GRM7: variants seen among roughly 807,000 people sequenced by gnomAD.
The protein encoded by GRM7 is glutamate metabotropic receptor 7, also known as metabotropic glutamate receptor 7.
In GRM7, 35 loss-of-function variants were observed where a neutral mutation model predicts 84.5. The ratio of observed to expected loss-of-function variants is 0.41; its 90% CI spans 0.32 to 0.55. The LOEUF (loss-of-function observed/expected upper bound fraction) is 0.55. Ranked by LOEUF, GRM7 falls within the 20% of genes least tolerant of loss-of-function variation. The probability of loss-of-function intolerance (pLI) is 0.19; values close to 1 mark genes in which losing one functional copy is unlikely to be tolerated. For synonymous variants in GRM7, 487 were observed against 455.1 expected, an observed-to-expected ratio of 1.07 and a Z score of -0.89; for missense variants, 1,003 against 1,194.6, an observed-to-expected ratio of 0.84 and a Z score of 2.36.
intron 1 of GRM7, among the ~76,000 whole-genome samples, chr3:7,102,852 G>A (rs1258559961): frequency 6.6e-6 from 1 of 151,576 alleles, no homozygotes; most frequent in African/African-American, 2.4e-5. Flanking sequence ...CAGTACATTT[G>A]TTTATATTGG....
intron 1 of GRM7, among the ~76,000 whole-genome samples, chr3:6,992,891 A>G (rs1217669046): frequency 6.6e-6 from 1 of 152,250 alleles, no homozygotes; most frequent in Non-Finnish European, 1.5e-5. Flanking sequence ...GAGACAATGC[A>G]GCACCCTGTG....
chr3:7,622,471 G>A lies in GRM7; in HGVS notation c.2451+43114G>A, dbSNP rs140309374. On this transcript the variant is annotated intron_variant, in intron 8 of 9. Transcript: ENST00000357716. ...GACATGGCCCTCATTTCAAGAAGCT[G>A]TGGTCAGATGGGGGAGACAGCTGTT... is the stretch of plus-strand genomic sequence containing the variant. Among the ~76,000 whole-genome samples, 446 of 152,214 alleles carry A rather than the reference G, an allele frequency of 2.9e-3. 4 individuals carry two copies. The highest frequency in any genetic ancestry group is 0.025 in the Admixed American group (387 of 15,272).
chr3:7,248,592 A>G (rs1697862171), intron 2 of GRM7, among the ~76,000 whole-genome samples: 1 of 152,000 alleles, frequency 6.6e-6, no homozygotes, highest in African/African-American at 2.4e-5. Flanking sequence ...TGACATGCAA[A>G]TTTTTATTTT....
intron 2 of GRM7, among the ~76,000 whole-genome samples, chr3:7,211,596 A>G (rs544109173): frequency 1.3e-5 from 2 of 149,870 alleles, no homozygotes; most frequent in South Asian, 2.1e-4. Flanking sequence ...ATATAAACCT[A>G]TTAAAAAGGG....
At chr3:7,086,702 A>G (rs535971053) in intron 1 of GRM7, among the ~76,000 whole-genome samples, 9 of 152,328 alleles carry the variant, frequency 5.9e-5, no homozygotes, top group Admixed American at 1.3e-4. Context: ...AAGAGCAGAA[A>G]GCAGCAAGAC....
chr3:7,060,264 A>C (rs2324053), intron 1 of GRM7, among the ~76,000 whole-genome samples: 36,713 of 151,698 alleles, frequency 0.24, 4,868 homozygotes, highest in African/African-American at 0.35. Context: ...CTTTGCATTC[A>C]GTTTGCTGTG....
intron 1 of GRM7, among the ~76,000 whole-genome samples, chr3:7,136,037 A>G (rs1693758828): frequency 6.6e-6 from 1 of 152,142 alleles, no homozygotes; most frequent in African/African-American, 2.4e-5. Flanking sequence ...GCAGTTTACT[A>G]TGTAATAATT....
intron 1 of GRM7, among the ~76,000 whole-genome samples, chr3:7,076,496 C>A (rs6766241): frequency 0.15 from 22,804 of 152,094 alleles, 2,858 homozygotes; most frequent in African/African-American, 0.35. Context: ...GTAAGATGCA[C>A]TTGCTTCCCC....
At chr3:7,646,440 C>T (rs1200298239) in intron 8 of GRM7, among the ~76,000 whole-genome samples, 1 of 152,116 alleles carries the variant, frequency 6.6e-6, no homozygotes, top group African/African-American at 2.4e-5. Context: ...GATCCACCTG[C>T]CTCAGCCTCC....
intron 6 of GRM7, among the ~76,000 whole-genome samples, chr3:7,456,176 A>G (rs1196019607): frequency 2.6e-5 from 4 of 151,832 alleles, no homozygotes; most frequent in Non-Finnish European, 5.9e-5. Flanking sequence ...ATTCTGGTTC[A>G]TGGATATGTA....
At chr3:7,142,453 A>G (rs1253051465) in intron 1 of GRM7, among the ~76,000 whole-genome samples, 1 of 152,054 alleles carries the variant, frequency 6.6e-6, no homozygotes, top group Non-Finnish European at 1.5e-5. Context: ...AGGCGGCAGG[A>G]AGAAGTGACA....
intron 1 of GRM7, among the ~76,000 whole-genome samples, chr3:6,924,984 C>T (rs759965935): frequency 9.2e-5 from 14 of 151,994 alleles, no homozygotes; most frequent in African/African-American, 2.4e-4. Flanking sequence ...CAGTTACATA[C>T]GAAGTCTATA....
chr3:7,118,559 C>T (rs17046814), intron 1 of GRM7, among the ~76,000 whole-genome samples: 3,245 of 150,138 alleles, frequency 0.022, 117 homozygotes, highest in African/African-American at 0.076. Context: ...CATAAAGTAG[C>T]ATTATATGTG....
At chr3:7,570,544 G>A (rs751203916) in intron 7 of GRM7, among the ~76,000 whole-genome samples, 32 of 152,318 alleles carry the variant, frequency 2.1e-4, no homozygotes, top group Middle Eastern at 6.8e-3. Context: ...AGGTCATGCT[G>A]ATGCAAAAGG....
At chr3:7,399,682 A>G (rs1462895794) in intron 4 of GRM7, among the ~76,000 whole-genome samples, 1 of 152,130 alleles carries the variant, frequency 6.6e-6, no homozygotes, top group African/African-American at 2.4e-5. Flanking sequence ...ACTGTAATGA[A>G]TGAATTCTTG....
chr3:7,083,565 GCTAATTCA>G (rs772208798), intron 1 of GRM7, among the ~76,000 whole-genome samples: 1 of 152,056 alleles, frequency 6.6e-6, no homozygotes, highest in Non-Finnish European at 1.5e-5. Flanking sequence ...AGGTGCTCTT[GCTAATTCA>G]TCACTCTTTC....
At chr3:7,163,376 C>T (rs1286913878) in intron 2 of GRM7, among the ~76,000 whole-genome samples, 1 of 152,166 alleles carries the variant, frequency 6.6e-6, no homozygotes, top group Non-Finnish European at 1.5e-5. Context: ...GAATCTTGCT[C>T]AGTGAATGTA....
rs201535874 is a variant in GRM7, at chr3:7,074,356, A to AC, written c.520-72094dup. On this transcript the variant is annotated intron_variant, in intron 1 of 9. Transcript: ENST00000357716. Reference sequence around the variant, plus strand: ...TTGAACCATAAGATGTGGCAAGCTTACCAACAGGAGACAGGAATGGAAACA... The same window carrying AC: ...TTGAACCATAAGATGTGGCAAGCTTACCCAACAGGAGACAGGAATGGAAACA... 9.3e-3 allele frequency among the ~76,000 whole-genome samples: 1,409 copies of AC among 152,294 alleles called. 7 individuals carry two copies. Among genetic ancestry groups the AC allele is most frequent in the Non-Finnish European group, 0.013 (916 of 68,028 alleles).
intron 1 of GRM7, among the ~76,000 whole-genome samples, chr3:7,026,179 T>C (rs1695975224): frequency 6.6e-6 from 1 of 152,318 alleles, no homozygotes; most frequent in Non-Finnish European, 1.5e-5. Context: ...CCATGACTCA[T>C]GCAGCCTTAC....
Sources: gnomAD v4.1 joint callset for allele counts (sites outside exome capture counted in the v4.1 genomes callset) on GRCh38, gnomAD v4.1.1 for gene constraint, MANE v1.5 for transcripts, NCBI Gene and HGNC (gene_info 2026-07-23, HGNC 2026-07-21) for gene names.